The following HECW2 variants were observed in gnomAD, a reference collection of about 807,000 sequenced individuals.
HECW2 encodes HECT, C2 and WW domain containing E3 ubiquitin protein ligase 2.
A neutral mutation model predicts 175.2 loss-of-function variants in HECW2; 61 were observed. The observed-to-expected ratio is 0.35, with a 90% CI of 0.28 to 0.43. The LOEUF is 0.43. HECW2 is among the 20% of genes least tolerant of loss of function. The probability of loss-of-function intolerance (pLI) is 1.00; values close to 1 mark genes in which losing one functional copy is unlikely to be tolerated. For synonymous variants in HECW2, 671 were observed against 731.0 expected, an observed-to-expected ratio of 0.92 and a Z score of 1.32; for missense variants, 1,524 against 2,000.5, an observed-to-expected ratio of 0.76 and a Z score of 4.54.
intron 1 of HECW2, among the ~76,000 whole-genome samples, chr2:196,543,976 T>A (rs1389243101): frequency 6.6e-6 from 1 of 152,144 alleles, no homozygotes; most frequent in Admixed American, 6.5e-5. Context: ...TAGGCAGCAT[T>A]CTCAGGGCAT....
chr2:196,437,611 C>CAAAAA (rs59563276), intron 1 of HECW2, among the ~76,000 whole-genome samples: 3 of 55,786 alleles, frequency 5.4e-5, no homozygotes, highest in African/African-American at 1.9e-4. Flanking sequence ...GACTCTGTCT[C>CAAAAA]AAAAAAAAAA....
intron 1 of HECW2, among the ~76,000 whole-genome samples, chr2:196,537,899 A>C (rs1436548903): frequency 6.6e-6 from 1 of 152,168 alleles, no homozygotes; most frequent in Non-Finnish European, 1.5e-5. Flanking sequence ...ATATACCAGC[A>C]TTGTAGCTAG....
chr2:196,399,848 G>A (rs1171341124), intron 2 of HECW2, among the ~76,000 whole-genome samples: 1 of 152,172 alleles, frequency 6.6e-6, no homozygotes, highest in East Asian at 1.9e-4. Context: ...TTTCACAGCT[G>A]TGTCTACTGA....
intron 21 of HECW2, among the ~76,000 whole-genome samples, chr2:196,228,655 G>A (rs1687939416): frequency 6.6e-6 from 1 of 152,158 alleles, no homozygotes; most frequent in African/African-American, 2.4e-5. Flanking sequence ...TAAAACCAGG[G>A]GGAATCAGTT....
At chr2:196,313,352 C>T (rs1691571297) in intron 10 of HECW2, among the ~76,000 whole-genome samples, 2 of 152,226 alleles carry the variant, frequency 1.3e-5, no homozygotes, top group South Asian at 4.1e-4. Context: ...CCATCAGTAA[C>T]ATCAGAATGA....
At chr2:196,575,652 C>T (rs944100215) in intron 1 of HECW2, among the ~76,000 whole-genome samples, 4 of 152,042 alleles carry the variant, frequency 2.6e-5, no homozygotes, top group Non-Finnish European at 1.5e-5. Context: ...TTTCGCATTG[C>T]TATAAAGGAA....
At chr2:196,235,557 TC>T (rs1199689433) in intron 21 of HECW2, among the ~76,000 whole-genome samples, 1 of 151,950 alleles carries the variant, frequency 6.6e-6, no homozygotes, top group Non-Finnish European at 1.5e-5. Context: ...AATTTATATA[TC>T]ATGTTTCAGA....
At chr2:196,225,472 C>T (rs770029090) in intron 23 of HECW2, among the ~76,000 whole-genome samples, 1 of 152,038 alleles carries the variant, frequency 6.6e-6, no homozygotes, top group Non-Finnish European at 1.5e-5. Flanking sequence ...CACAGGAATC[C>T]CAGGGCTGTG....
chr2:196,252,564 C>T (rs534843117), intron 19 of HECW2, among the ~76,000 whole-genome samples: 1 of 152,260 alleles, frequency 6.6e-6, no homozygotes. Context: ...TCTCTGGCTC[C>T]CACTCTCACC....
At chr2:196,305,981 C>T (rs539370053) in intron 13 of HECW2, among the ~76,000 whole-genome samples, 3 of 152,124 alleles carry the variant, frequency 2.0e-5, no homozygotes, top group East Asian at 3.9e-4. Context: ...GTTATGGGTC[C>T]GATGTTTGTG....
intron 15 of HECW2, among the ~76,000 whole-genome samples, chr2:196,275,158 G>A (rs1689896069): frequency 6.6e-6 from 1 of 152,110 alleles, no homozygotes; most frequent in African/African-American, 2.4e-5. Context: ...TCAAAGCGTA[G>A]TTCAAACAGC....
rs1218644755 is a variant in HECW2 at position 196,283,848 on chromosome 2, A to C, written c.3001-5186T>G. 2.0e-5 allele frequency among the ~76,000 whole-genome samples: 3 copies of C among 152,212 alleles called. No homozygotes were observed. In the East Asian group the frequency reaches 5.8e-4, roughly 29 times the overall value. On this transcript the variant is annotated intron_variant, in intron 14 of 28. Coordinates refer to ENST00000644978, the MANE Select transcript of HECW2 (RefSeq NM_001348768.2). ...TGTAGGGATTTTCCCTATTTGGTGAATAATGATATATCTATCATTCACCTT... is the reference window on the plus strand; with the variant it reads ...TGTAGGGATTTTCCCTATTTGGTGACTAATGATATATCTATCATTCACCTT...
At chr2:196,295,538 A>T (rs1425071762) in intron 13 of HECW2, among the ~76,000 whole-genome samples, 3 of 152,176 alleles carry the variant, frequency 2.0e-5, no homozygotes, top group Non-Finnish European at 4.4e-5. Context: ...GGGACAAATT[A>T]TTTGGGGGAT....
At chr2:196,373,876 C>T (rs1452409750) in intron 2 of HECW2, among the ~76,000 whole-genome samples, 2 of 151,536 alleles carry the variant, frequency 1.3e-5, no homozygotes, top group Non-Finnish European at 2.9e-5. Context: ...ACTAAAAATA[C>T]AAAAAATTAG....
intron 2 of HECW2, among the ~76,000 whole-genome samples, chr2:196,409,876 C>T (rs978180035): frequency 2.0e-5 from 3 of 152,154 alleles, no homozygotes; most frequent in African/African-American, 7.2e-5. Context: ...ATCCCTTATA[C>T]AGTAAATCCC....
At chr2:196,322,298 T>C (rs768131218) in intron 7 of HECW2, among the ~76,000 whole-genome samples, 180 bp downstream of exon 7, 2 of 152,238 alleles carry the variant, frequency 1.3e-5, no homozygotes, top group Non-Finnish European at 2.9e-5. Flanking sequence ...ACATATATAA[T>C]TAAAATAAAC....
At chr2:196,227,515 G>T (rs752143663) in intron 22 of HECW2, among the ~76,000 whole-genome samples, 1 of 152,018 alleles carries the variant, frequency 6.6e-6, no homozygotes, top group Non-Finnish European at 1.5e-5. Context: ...TGGCTAATAC[G>T]GTAAGTGGCC....
intron 1 of HECW2, among the ~76,000 whole-genome samples, chr2:196,562,253 A>T (rs1242384502): frequency 2.0e-5 from 3 of 152,312 alleles, no homozygotes; most frequent in East Asian, 1.9e-4. Context: ...CCACCCTCCA[A>T]CCAAGTTAGA....
rs1469140624 is a variant in HECW2 at position 196,420,535 on chromosome 2, T to G, written c.292+12597A>C. ...GAGAAAATGAAGAGAAGATTTTGGATATATCTGACACCTTTCATCATAACC... is the reference window on the plus strand; with the variant it reads ...GAGAAAATGAAGAGAAGATTTTGGAGATATCTGACACCTTTCATCATAACC... On this transcript the variant is annotated intron_variant, in intron 2 of 28. Coordinates refer to ENST00000644978, the MANE Select transcript of HECW2 (RefSeq NM_001348768.2). Among the ~76,000 whole-genome samples the G allele has an allele frequency of 2.0e-5, 3 of 152,238 alleles. No individual in the cohort carries two copies. In the East Asian group the frequency reaches 5.8e-4, roughly 29 times the overall value.
Sources: allele counts gnomAD v4.1 joint callset (sites outside exome capture counted in the v4.1 genomes callset), GRCh38; gene constraint gnomAD v4.1.1; transcripts MANE v1.5; gene names NCBI Gene and HGNC (gene_info 2026-07-23, HGNC 2026-07-21).